The following MGAT4C variants were observed in gnomAD, a reference collection of about 807,000 sequenced individuals.
The protein encoded by MGAT4C is MGAT4 family member C.
In MGAT4C, 19 loss-of-function variants were observed where a neutral mutation model predicts 40.1. The observed-to-expected ratio is 0.47, with a 90% CI of 0.33 to 0.70. The LOEUF (loss-of-function observed/expected upper bound fraction) is 0.70, where lower values mean the gene tolerates loss of function less well. Among genes scored for constraint, MGAT4C ranks in the 30% least tolerant of loss-of-function variants. The pLI, the probability that MGAT4C is intolerant of heterozygous loss-of-function variation, is 0.02. For synonymous variants in MGAT4C, 181 were observed against 187.1 expected (o/e 0.97, Z 0.27); for missense variants, 491 against 563.2 (o/e 0.87, Z 1.30).
chr12:86,011,102 A>C (rs1448813434), intron 2 of MGAT4C, among the ~76,000 whole-genome samples: 2 of 152,176 alleles, frequency 1.3e-5, no homozygotes, highest in Admixed American at 6.5e-5. Flanking sequence ...ACACACCAAC[A>C]CAATCACAAA....
intron 2 of MGAT4C, among the ~76,000 whole-genome samples, chr12:85,994,554 C>T (rs1886381443): frequency 6.6e-6 from 1 of 151,926 alleles, no homozygotes. Context: ...TCACACTCCT[C>T]CCCCACCTCA....
chr12:86,764,054 G>A (rs1462047994), intron 1 of MGAT4C, among the ~76,000 whole-genome samples: 1 of 152,134 alleles, frequency 6.6e-6, no homozygotes, highest in Non-Finnish European at 1.5e-5. Flanking sequence ...CCGAAGCAGG[G>A]TGAGGCATTG....
chr12:86,283,227 T>C (rs997684924), intron 4 of MGAT4C, among the ~76,000 whole-genome samples: 2 of 152,102 alleles, frequency 1.3e-5, no homozygotes. Flanking sequence ...AGAAAAGTGA[T>C]GTAACTGTGA....
chr12:86,803,488 A>G (rs1275536487), intron 1 of MGAT4C, among the ~76,000 whole-genome samples: 1 of 152,128 alleles, frequency 6.6e-6, no homozygotes, highest in African/African-American at 2.4e-5. Context: ...AACCTACAAC[A>G]TGGAAGAAAA....
At chr12:86,731,385 A>G (rs1179545254) in intron 1 of MGAT4C, among the ~76,000 whole-genome samples, 1 of 152,024 alleles carries the variant, frequency 6.6e-6, no homozygotes, top group East Asian at 1.9e-4. Flanking sequence ...ACCCAAATAA[A>G]TTTCTTGTAT....
intron 3 of MGAT4C, among the ~76,000 whole-genome samples, chr12:86,426,714 G>A (rs1242355723): frequency 2.0e-5 from 3 of 152,180 alleles, no homozygotes; most frequent in South Asian, 4.1e-4. Context: ...TTGGGAGGCC[G>A]AGGAGGGCGG....
chr12:86,491,004 C>A (rs554087632), intron 2 of MGAT4C, among the ~76,000 whole-genome samples: 3 of 152,046 alleles, frequency 2.0e-5, no homozygotes, highest in Admixed American at 2.0e-4. Flanking sequence ...GACAGATCAA[C>A]GAGACAGAAA....
intron 1 of MGAT4C, among the ~76,000 whole-genome samples, chr12:86,209,711 G>T (rs1262886158): frequency 2.6e-5 from 4 of 152,262 alleles, no homozygotes; most frequent in African/African-American, 9.6e-5. Flanking sequence ...TCATTAAAGA[G>T]GAAGTGGATG....
At chr12:86,424,258 T>C (rs1039583828) in intron 3 of MGAT4C, among the ~76,000 whole-genome samples, 3 of 152,234 alleles carry the variant, frequency 2.0e-5, no homozygotes, top group African/African-American at 7.2e-5. Context: ...AGAATCTTAA[T>C]AGTGCTGATT....
At chr12:86,818,510 A>C (rs1159426744) in intron 1 of MGAT4C, among the ~76,000 whole-genome samples, 3 of 151,084 alleles carry the variant, frequency 2.0e-5, no homozygotes, top group Non-Finnish European at 4.5e-5. Flanking sequence ...ACAATACAGA[A>C]TTAGACAAAG....
intron 3 of MGAT4C, among the ~76,000 whole-genome samples, chr12:86,432,629 A>G (rs1405328556): frequency 6.6e-6 from 1 of 152,086 alleles, no homozygotes; most frequent in Non-Finnish European, 1.5e-5. Flanking sequence ...GCAAAAGAAC[A>G]CAGGGGAACC....
chr12:86,804,966 C>G lies in MGAT4C; in HGVS notation c.-262+33700G>C, dbSNP rs184430147. Among the ~76,000 whole-genome samples, 90 of 152,052 alleles carry G rather than the reference C, an allele frequency of 5.9e-4. 1 individual carries two copies. Among genetic ancestry groups the G allele is most frequent in the Non-Finnish European group, 1.1e-3 (73 of 67,950 alleles). On this transcript the variant is annotated intron_variant, in intron 1 of 7. Coordinates refer to the MGAT4C transcript ENST00000548651. ...GATACATGTATAAACTTCACTTTTG[C>G]AGAAGTAAGATTACTGGAATTTATG... is the stretch of plus-strand genomic sequence containing the variant.
Position 85,972,833 on chromosome 12 carries a change from T to A in MGAT4C, c.*6456A>T, listed in dbSNP as rs1883692552. On this transcript the variant is annotated 3_prime_UTR_variant, in exon 5 of 5. Coordinates refer to ENST00000611864, the MANE Select transcript of MGAT4C (RefSeq NM_001351288.2). ...ACAACGTGGAATAACAAAGTTTAAG[T>A]GTGGCAGAAAATACATACATATGTT... 6.6e-6 allele frequency: 1 copy of A among 150,988 alleles called. No homozygotes were observed. The highest frequency in any genetic ancestry group is 6.6e-5 in the Admixed American group (1 of 15,112). The allele number at this position is 150,988 out of a possible 1,614,324, so 9.4% of individuals were successfully genotyped here.
chr12:86,302,408 G>A (rs1953835370), intron 4 of MGAT4C, among the ~76,000 whole-genome samples: 1 of 148,832 alleles, frequency 6.7e-6, no homozygotes, highest in African/African-American at 2.6e-5. Flanking sequence ...TTGGTTGGTT[G>A]GTTGGTTGGT....
At chr12:86,749,582 A>G (rs1235514403) in intron 1 of MGAT4C, among the ~76,000 whole-genome samples, 1 of 151,750 alleles carries the variant, frequency 6.6e-6, no homozygotes, top group African/African-American at 2.4e-5. Flanking sequence ...AAAAATGTCA[A>G]TTTTACAACT....
chr12:86,462,112 A>C (rs1277659446), intron 2 of MGAT4C, among the ~76,000 whole-genome samples: 1 of 152,230 alleles, frequency 6.6e-6, no homozygotes, highest in Admixed American at 6.5e-5. Flanking sequence ...ATGGGCATTA[A>C]AATAACTGAT....
At chr12:86,668,151 A>G (rs922372807) in intron 2 of MGAT4C, among the ~76,000 whole-genome samples, 2 of 152,248 alleles carry the variant, frequency 1.3e-5, no homozygotes, top group Admixed American at 1.3e-4. Flanking sequence ...TTTGTTCCCA[A>G]GATGGCATAT....
chr12:86,193,852 C>G (rs839164), intron 1 of MGAT4C, among the ~76,000 whole-genome samples: 102,797 of 151,952 alleles, frequency 0.68, 35,061 homozygotes, highest in South Asian at 0.75. Context: ...TACATAGTTC[C>G]TTTTAACTTT....
At position 86,764,438 on chromosome 12, in the gene MGAT4C, C is replaced by A. The variant is rs578208187; in HGVS notation, c.-261-37197G>T. Reference sequence around the variant, plus strand: ...GTAGGCTCCACCTCTGGGGGCAGGGCACAGACAAACAAAAAGACAGCAGTA... The same window carrying A: ...GTAGGCTCCACCTCTGGGGGCAGGGAACAGACAAACAAAAAGACAGCAGTA... On this transcript the variant is annotated intron_variant, in intron 1 of 7. Coordinates refer to the MGAT4C transcript ENST00000548651. 5.3e-5 allele frequency among the ~76,000 whole-genome samples: 8 copies of A among 152,158 alleles called. No individual in the cohort carries two copies. The East Asian group carries it at 1.6e-3, about 30-fold the overall frequency.
Sources: gnomAD v4.1 joint callset for allele counts (sites outside exome capture counted in the v4.1 genomes callset) on GRCh38, gnomAD v4.1.1 for gene constraint, MANE v1.5 for transcripts, NCBI Gene and HGNC (gene_info 2026-07-23, HGNC 2026-07-21) for gene names.